SLC8A1: variants seen among roughly 807,000 people sequenced by gnomAD.
SLC8A1 encodes the protein solute carrier family 8 member A1, also known as sodium/calcium exchanger 1.
A neutral mutation model predicts 68.3 loss-of-function variants in SLC8A1; 18 were observed. The ratio of observed to expected loss-of-function variants is 0.26; its 90% CI spans 0.18 to 0.39. SLC8A1 has a LOEUF of 0.39. SLC8A1 is among the 10% of genes least tolerant of loss of function. The pLI, the probability that SLC8A1 is intolerant of heterozygous loss-of-function variation, is 1.00. For missense variants in SLC8A1, 985 were observed against 1,156.7 expected, an observed-to-expected ratio of 0.85 and a Z score of 2.15; for synonymous variants, 475 against 415.5, an observed-to-expected ratio of 1.14 and a Z score of -1.74.
At chr2:40,280,031 A>G (rs2067285199) in intron 2 of SLC8A1, among the ~76,000 whole-genome samples, 3 of 152,216 alleles carry the variant, frequency 2.0e-5, no homozygotes, top group Non-Finnish European at 4.4e-5. Context: ...GTAAATTGCA[A>G]GCTATGGAGT....
chr2:40,371,500 A>T (rs1380302309), intron 2 of SLC8A1, among the ~76,000 whole-genome samples: 1 of 151,964 alleles, frequency 6.6e-6, no homozygotes, highest in Non-Finnish European at 1.5e-5. Flanking sequence ...CAGGGACCTC[A>T]CTCTTAAAAC....
chr2:40,197,003 T>C (rs1410426615), intron 2 of SLC8A1, among the ~76,000 whole-genome samples: 2 of 152,022 alleles, frequency 1.3e-5, no homozygotes, highest in East Asian at 1.9e-4. Flanking sequence ...GGTAGATCGA[T>C]TTGTTCTGTA....
intron 2 of SLC8A1, among the ~76,000 whole-genome samples, chr2:40,333,171 G>A (rs2076592703): frequency 6.6e-6 from 1 of 152,184 alleles, no homozygotes; most frequent in African/African-American, 2.4e-5. Flanking sequence ...GGGTGCGGTG[G>A]CTCACGCCTA....
intron 2 of SLC8A1, among the ~76,000 whole-genome samples, chr2:40,351,453 C>G (rs1255213316): frequency 1.3e-5 from 2 of 151,826 alleles, no homozygotes; most frequent in Non-Finnish European, 2.9e-5. Context: ...CTTCATCATA[C>G]TACTACTTTT....
chr2:40,487,952 C>T (rs1453693706), intron 1 of SLC8A1, among the ~76,000 whole-genome samples: 1 of 152,058 alleles, frequency 6.6e-6, no homozygotes, highest in Non-Finnish European at 1.5e-5. Flanking sequence ...AACGATACTA[C>T]CAGCCACAGG....
intron 2 of SLC8A1, among the ~76,000 whole-genome samples, chr2:40,358,048 G>GAA (rs776231355): frequency 0.018 from 1,405 of 77,684 alleles, 16 homozygotes; most frequent in South Asian, 0.024. Context: ...GCAACTGAAG[G>GAA]AAAAAAAAAA....
chr2:40,138,860 C>G (rs538594000), intron 7 of SLC8A1, among the ~76,000 whole-genome samples: 1 of 152,254 alleles, frequency 6.6e-6, no homozygotes, highest in South Asian at 2.1e-4. Context: ...TACATTTGGC[C>G]TGTCCACTTT....
chr2:40,371,224 T>G (rs1677936913), intron 2 of SLC8A1, among the ~76,000 whole-genome samples: 1 of 152,108 alleles, frequency 6.6e-6, no homozygotes, highest in Non-Finnish European at 1.5e-5. Flanking sequence ...CAGGCTCACA[T>G]TTTCCTTTCA....
At chr2:40,294,888 C>G (rs370805427) in intron 2 of SLC8A1, among the ~76,000 whole-genome samples, 1 of 152,012 alleles carries the variant, frequency 6.6e-6, no homozygotes, top group Non-Finnish European at 1.5e-5. Flanking sequence ...GTCACATGTA[C>G]GTATAATCTG....
rs539584953 is a variant in SLC8A1 at position 40,365,034 on chromosome 2, G to A, written c.1808+63439C>T. On this transcript the variant is annotated intron_variant, in intron 2 of 7. Coordinates refer to ENST00000406785, the Ensembl canonical transcript of SLC8A1. Reference sequence around the variant, plus strand: ...TTTTATGGTATTATTGTATTGCATGGCATGTATTCTTTCAACCCTGATGCC... The same window carrying A: ...TTTTATGGTATTATTGTATTGCATGACATGTATTCTTTCAACCCTGATGCC... 2.0e-5 allele frequency among the ~76,000 whole-genome samples: 3 copies of A among 152,090 alleles called. No homozygotes were observed. In the South Asian group the frequency reaches 6.2e-4, roughly 32 times the overall value.
intron 2 of SLC8A1, among the ~76,000 whole-genome samples, chr2:40,271,225 C>T (rs1448715260): frequency 6.6e-6 from 1 of 151,888 alleles, no homozygotes; most frequent in African/African-American, 2.4e-5. Context: ...ACTCCTCTCT[C>T]ACGTCCCCTC....
chr2:40,493,737 C>T (rs1576664507), intron 1 of SLC8A1, among the ~76,000 whole-genome samples: 2 of 151,450 alleles, frequency 1.3e-5, no homozygotes, highest in East Asian at 2.0e-4. Context: ...TCACTGCAAC[C>T]TCTGCCTCCC....
chr2:40,210,001 CTGAGTTGGCAGA>C (rs1408538700), intron 2 of SLC8A1: 2 of 152,230 alleles, frequency 1.3e-5, no homozygotes, highest in Admixed American at 6.5e-5. Context: ...ATTGATTGAT[CTGAGTTGGCAGA>C]TGAGTTGGCA....
At chr2:40,209,234 ATG>A (rs1370295077) in intron 2 of SLC8A1, 1 of 152,282 alleles carries the variant, frequency 6.6e-6, no homozygotes, top group Non-Finnish European at 1.5e-5. Context: ...CTTTCTGAGA[ATG>A]TGACATTTGA....
chr2:40,313,124 T>C (rs1047120785), intron 2 of SLC8A1, among the ~76,000 whole-genome samples: 2 of 152,080 alleles, frequency 1.3e-5, no homozygotes, highest in Admixed American at 6.6e-5. Flanking sequence ...AATCAATAAT[T>C]TTATTGTCAC....
At chr2:40,452,452 C>G (rs1416855800), upstream of SLC8A1, among the ~76,000 whole-genome samples, 2 of 152,158 alleles carry the variant, frequency 1.3e-5, no homozygotes, top group Non-Finnish European at 2.9e-5. Context: ...CGCTGTCTCT[C>G]GCACCCAGCC....
intron 2 of SLC8A1, among the ~76,000 whole-genome samples, chr2:40,330,475 A>G (rs2076298302): frequency 6.6e-6 from 1 of 152,242 alleles, no homozygotes; most frequent in African/African-American, 2.4e-5. Flanking sequence ...GGTATATTAA[A>G]ATAAAGTAGA....
chr2:40,124,908 T>C (rs984149476), intron 7 of SLC8A1, among the ~76,000 whole-genome samples: 12 of 152,216 alleles, frequency 7.9e-5, no homozygotes, highest in Admixed American at 2.0e-4. Flanking sequence ...TATGGGTAAA[T>C]ATTTGCTATA....
intron 2 of SLC8A1, among the ~76,000 whole-genome samples, chr2:40,403,167 A>G (rs1476616672): frequency 3.3e-5 from 5 of 152,218 alleles, no homozygotes; most frequent in African/African-American, 1.2e-4. Context: ...TGAAACATTA[A>G]AAAGGCAAGC....
Sources: allele counts gnomAD v4.1 joint callset (sites outside exome capture counted in the v4.1 genomes callset), GRCh38; gene constraint gnomAD v4.1.1; transcripts MANE v1.5; gene names NCBI Gene and HGNC (gene_info 2026-07-23, HGNC 2026-07-21).